NEDD9: variants seen among roughly 807,000 people sequenced by gnomAD.
The protein encoded by NEDD9 is neural precursor cell expressed, developmentally down-regulated 9, also known as enhancer of filamentation 1.
NEDD9 carries 26 observed loss-of-function variants against 76.6 expected under a neutral mutation model. That is an observed-to-expected ratio of 0.34 (90% confidence interval 0.25 to 0.47). NEDD9 has a LOEUF of 0.47. NEDD9 is among the 20% of genes least tolerant of loss of function. The pLI, the probability that NEDD9 is intolerant of heterozygous loss-of-function variation, is 1.00. For synonymous variants in NEDD9, 392 were observed against 414.2 expected, an observed-to-expected ratio of 0.95 and a Z score of 0.65; for missense variants, 937 against 1,058.5, an observed-to-expected ratio of 0.89 and a Z score of 1.59.
chr6:11,330,995 C>T (rs1762025769), intron 2 of NEDD9, among the ~76,000 whole-genome samples: 1 of 152,168 alleles, frequency 6.6e-6, no homozygotes. Flanking sequence ...CTCTACTCTA[C>T]AGACTCTAGA....
rs146795575 is a variant in NEDD9 at position 11,242,861 on chromosome 6, T to C, written c.13-29134A>G. Among the ~76,000 whole-genome samples the C allele has an allele frequency of 1.2e-4, 19 of 152,290 alleles. No homozygotes were observed. In the East Asian group the frequency reaches 2.1e-3, roughly 17 times the overall value. ...AAAGAGATTTAGAGCATATACCACATATTACAAGACACTCCCAGTGAAATC... is the reference window on the plus strand; with the variant it reads ...AAAGAGATTTAGAGCATATACCACACATTACAAGACACTCCCAGTGAAATC... On this transcript the variant is annotated intron_variant, in intron 3 of 3. Transcript: ENST00000397378.
In NEDD9 at chr6:11,370,398, AG is replaced by A. The variant is rs1762840155; in HGVS notation, c.-214+11740del. ...GAGCGGATCCAAATTTGCTTTCCTG[AG>A]GAAAAGTCTGCCTTTGCCTACAGCA... On this transcript the variant is annotated intron_variant, in intron 1 of 3. Coordinates refer to the NEDD9 transcript ENST00000397378. This position sits in a 1 kb window ranked among gnomAD's most constrained non-coding sequence, Gnocchi z 4.2. Among the ~76,000 whole-genome samples, 1 of 152,086 alleles carries A rather than the reference AG, an allele frequency of 6.6e-6. No individual in the cohort carries two copies. The highest frequency in any genetic ancestry group is 1.5e-5 in the Non-Finnish European group (1 of 68,024).
At chr6:11,288,962 C>A (rs1416128714) in intron 3 of NEDD9, among the ~76,000 whole-genome samples, 1 of 152,208 alleles carries the variant, frequency 6.6e-6, no homozygotes, top group Non-Finnish European at 1.5e-5. Context: ...TGAATGTATG[C>A]ATTTTGCTAA....
At chr6:11,199,658 T>C (rs1561784263) in intron 2 of NEDD9, 6 of 108,720 alleles carry the variant, frequency 5.5e-5, no homozygotes, top group African/African-American at 2.3e-4. Context: ...TTTTTTTTTT[T>C]TTTTTTTTTT....
chr6:11,306,665 A>C (rs1255382480), intron 2 of NEDD9, among the ~76,000 whole-genome samples: 2 of 152,122 alleles, frequency 1.3e-5, no homozygotes, highest in East Asian at 3.8e-4. Context: ...ATACCAACTT[A>C]ATATGTTACC....
intron 3 of NEDD9, among the ~76,000 whole-genome samples, chr6:11,285,602 T>C (rs1243641065): frequency 6.6e-6 from 1 of 152,132 alleles, no homozygotes; most frequent in Non-Finnish European, 1.5e-5. Flanking sequence ...ACTTGGAGGA[T>C]TAATACTGCC....
intron 1 of NEDD9, among the ~76,000 whole-genome samples, chr6:11,381,500 T>G (rs191201872): frequency 5.1e-4 from 77 of 152,246 alleles, no homozygotes; most frequent in Admixed American, 2.0e-3. Flanking sequence ...AATGAATGAA[T>G]GAAGGAAGAA....
chr6:11,345,650 G>A (rs189165358), intron 1 of NEDD9, among the ~76,000 whole-genome samples: 39 of 152,186 alleles, frequency 2.6e-4, no homozygotes, highest in South Asian at 1.5e-3. Context: ...CCTGTCTTCC[G>A]CCACCAAGTT....
chr6:11,329,363 C>T (rs977117389), intron 2 of NEDD9, among the ~76,000 whole-genome samples: 1 of 152,214 alleles, frequency 6.6e-6, no homozygotes, highest in East Asian at 1.9e-4. Flanking sequence ...CCCGGGGCAA[C>T]TCCTTCACCT....
At chr6:11,275,565 C>CACACACATATATAT (rs551632582) in intron 3 of NEDD9, among the ~76,000 whole-genome samples, 4,439 of 150,080 alleles carry the variant, frequency 0.03, 82 homozygotes, top group Middle Eastern at 0.048. Context: ...CACACACACA[C>CACACACATATATAT]ATATATATAT....
rs1467651401 is a variant in NEDD9 at position 11,241,257 on chromosome 6, T to G, written c.13-27530A>C. ...AGGGGAGCAAAGGCATCAGGTCTTC[T>G]TCTTGCTAACCTTTGTGCTTCCTCT... On this transcript the variant is annotated intron_variant, in intron 3 of 3. Transcript: ENST00000397378. This position sits in a 1 kb window ranked among gnomAD's most constrained non-coding sequence, Gnocchi z 4.0. Among the ~76,000 whole-genome samples, 9 of 152,218 alleles carry G rather than the reference T, an allele frequency of 5.9e-5. No homozygotes were observed. Among genetic ancestry groups the G allele is most frequent in the Non-Finnish European group, 2.9e-5 (2 of 68,028 alleles).
upstream of NEDD9, chr6:11,233,346 G>C: frequency 1.9e-6 from 1 of 518,946 alleles, no homozygotes; most frequent in Non-Finnish European, 3.8e-6. Flanking sequence ...TTCTCACCAG[G>C]GCCTCAGAGT....
chr6:11,209,310 G>A (rs1758703153), intron 2 of NEDD9, among the ~76,000 whole-genome samples: 1 of 152,148 alleles, frequency 6.6e-6, no homozygotes, highest in African/African-American at 2.4e-5. Context: ...AAACGGCCCT[G>A]TGCACAAAAC....
At chr6:11,321,822 C>G (rs16871251) in intron 2 of NEDD9, among the ~76,000 whole-genome samples, 21,244 of 152,142 alleles carry the variant, frequency 0.14, 1,628 homozygotes, top group Admixed American at 0.23. Flanking sequence ...AGGAAAGTCT[C>G]TAGCGAAGGC....
At chr6:11,256,318 T>C (rs1374592886) in intron 3 of NEDD9, among the ~76,000 whole-genome samples, 1 of 152,054 alleles carries the variant, frequency 6.6e-6, no homozygotes, top group African/African-American at 2.4e-5. Context: ...TCCTGCCAGG[T>C]GTATGTGCAG....
chr6:11,263,688 C>T (rs562005070), intron 3 of NEDD9, among the ~76,000 whole-genome samples: 126 of 152,252 alleles, frequency 8.3e-4, no homozygotes, highest in African/African-American at 2.9e-3. Context: ...GGGTGTCACA[C>T]GTGGATAGGT....
At chr6:11,293,117 T>C (rs1175279725) in intron 3 of NEDD9, among the ~76,000 whole-genome samples, 1 of 152,084 alleles carries the variant, frequency 6.6e-6, no homozygotes, top group African/African-American at 2.4e-5. Context: ...AACTATTTGC[T>C]GTAAAAAGGG....
chr6:11,377,870 G>A (rs1315074173), intron 1 of NEDD9, among the ~76,000 whole-genome samples: 2 of 152,220 alleles, frequency 1.3e-5, no homozygotes, highest in African/African-American at 2.4e-5. Context: ...ATTGGAGCAT[G>A]CGGGTGGATC....
intron 3 of NEDD9, among the ~76,000 whole-genome samples, chr6:11,253,423 C>G (rs967490207): frequency 3.3e-5 from 5 of 152,154 alleles, no homozygotes; most frequent in African/African-American, 1.2e-4. Flanking sequence ...TTTATTTCCT[C>G]TTGCTTGAAA....
Sources: gnomAD v4.1 joint callset for allele counts (sites outside exome capture counted in the v4.1 genomes callset) on GRCh38, gnomAD v4.1.1 for gene constraint, Gnocchi (gnomAD v3.1) non-coding constraint, MANE v1.5 for transcripts, NCBI Gene and HGNC (gene_info 2026-07-23, HGNC 2026-07-21) for gene names.